SDK1: variants seen among roughly 807,000 people sequenced by gnomAD.
SDK1 encodes protein sidekick-1.
A neutral mutation model predicts 245.5 loss-of-function variants in SDK1; 157 were observed. The ratio of observed to expected loss-of-function variants is 0.64; its 90% confidence interval spans 0.56 to 0.73. The LOEUF (loss-of-function observed/expected upper bound fraction) is 0.73. Ranked by LOEUF, SDK1 falls within the 30% of genes least tolerant of loss-of-function variation. The pLI, the probability that SDK1 is intolerant of heterozygous loss-of-function variation, is 0.00. For synonymous variants in SDK1, 1,647 were observed against 1,278.5 expected (o/e 1.29, Z -6.15); for missense variants, 3,583 against 3,002.3 (o/e 1.19, Z -4.52).
chr7:3,578,415 A>G (rs184731546), intron 1 of SDK1, among the ~76,000 whole-genome samples: 13 of 152,204 alleles, frequency 8.5e-5, no homozygotes, highest in East Asian at 3.9e-4. Flanking sequence ...ATAAGGGTCT[A>G]TGTTCAGCTG....
chr7:3,562,022 A>C (rs1779765731), intron 1 of SDK1, among the ~76,000 whole-genome samples: 1 of 152,238 alleles, frequency 6.6e-6, no homozygotes, highest in Admixed American at 6.5e-5. Flanking sequence ...TAAATATTTT[A>C]GGCCTCCGTT....
intron 30 of SDK1, among the ~76,000 whole-genome samples, chr7:4,151,445 G>A (rs886109013): frequency 5.3e-5 from 8 of 152,206 alleles, no homozygotes; most frequent in South Asian, 4.1e-4. Flanking sequence ...GGTGAGGTCC[G>A]TATGCTGGCG....
intron 1 of SDK1, among the ~76,000 whole-genome samples, chr7:3,575,912 G>A (rs1780271346): frequency 6.6e-6 from 1 of 152,010 alleles, no homozygotes; most frequent in African/African-American, 2.4e-5. Flanking sequence ...AGAGAAATAG[G>A]AGATGAAGCC....
chr7:4,120,465 G>C (rs7798543), intron 25 of SDK1, among the ~76,000 whole-genome samples: 2 of 148,680 alleles, frequency 1.3e-5, no homozygotes, highest in East Asian at 1.9e-4. Flanking sequence ...TAATAATCTC[G>C]AAGGAGCTAA....
chr7:3,608,474 A>T (rs188851465), intron 1 of SDK1, among the ~76,000 whole-genome samples: 61 of 152,350 alleles, frequency 4.0e-4, no homozygotes, highest in African/African-American at 1.4e-3. Context: ...CAATGAAAAC[A>T]ACTGACAGTA....
At chr7:3,350,180 TGGGAGACACTCA>T (rs1562432699) in intron 1 of SDK1, among the ~76,000 whole-genome samples, 1 of 151,904 alleles carries the variant, frequency 6.6e-6, no homozygotes, top group Non-Finnish European at 1.5e-5. Context: ...AAGGAGAGAG[TGGGAGACACTCA>T]GTCTATCAGA....
intron 5 of SDK1, among the ~76,000 whole-genome samples, chr7:3,864,863 T>A (rs891449183): frequency 2.0e-5 from 3 of 152,144 alleles, no homozygotes; most frequent in African/African-American, 7.2e-5. Flanking sequence ...ATACCAGTAG[T>A]GACGATAGTG....
intron 16 of SDK1, among the ~76,000 whole-genome samples, chr7:4,015,271 C>T (rs776937811): frequency 5.8e-4 from 89 of 152,262 alleles, no homozygotes; most frequent in Non-Finnish European, 1.0e-3. Context: ...GATGCTGGTT[C>T]CTCAGCTCTT....
chr7:4,234,028 G>A (rs1020614180), intron 41 of SDK1, among the ~76,000 whole-genome samples: 13 of 152,202 alleles, frequency 8.5e-5, no homozygotes, highest in African/African-American at 1.4e-4. Context: ...GTTAGCTGAC[G>A]CATCCTTGCC....
intron 22 of SDK1, among the ~76,000 whole-genome samples, chr7:4,093,935 G>C (rs1781972544): frequency 6.6e-6 from 1 of 152,196 alleles, no homozygotes; most frequent in Non-Finnish European, 1.5e-5. Context: ...TCCCAGAGGT[G>C]AATCCTGGGG....
At chr7:3,506,568 A>T (rs1002601169) in intron 1 of SDK1, among the ~76,000 whole-genome samples, 1 of 152,200 alleles carries the variant, frequency 6.6e-6, no homozygotes, top group Non-Finnish European at 1.5e-5. Context: ...CTTTGATGAC[A>T]TGCATATTAT....
intron 1 of SDK1, among the ~76,000 whole-genome samples, chr7:3,430,520 T>G (rs1779811547): frequency 6.6e-6 from 1 of 152,198 alleles, no homozygotes; most frequent in Non-Finnish European, 1.5e-5. Context: ...AGCTTCCTCC[T>G]GCTCGTCAGC....
chr7:3,582,243 CCCTCAGGTAGGTCTG>C (rs1562579656), intron 1 of SDK1, among the ~76,000 whole-genome samples: 16 of 144,352 alleles, frequency 1.1e-4, no homozygotes, highest in African/African-American at 3.9e-4. Flanking sequence ...AGGTAGGTCT[CCCTCAGGTAGGTCTG>C]CCTCAGGTAG....
intron 14 of SDK1, among the ~76,000 whole-genome samples, chr7:3,993,125 C>G (rs529541007): frequency 1.3e-5 from 2 of 151,412 alleles, no homozygotes; most frequent in Non-Finnish European, 2.9e-5. Flanking sequence ...AAAATTTATT[C>G]TTTCACATGA....
chr7:4,089,870 G>A (rs923659774), intron 22 of SDK1, among the ~76,000 whole-genome samples: 5 of 152,178 alleles, frequency 3.3e-5, no homozygotes, highest in Admixed American at 6.5e-5. Context: ...AAAAGCCCTC[G>A]GTAACAAAAG....
intron 19 of SDK1, among the ~76,000 whole-genome samples, chr7:4,066,211 C>T (rs1019611399): frequency 4.6e-5 from 7 of 152,094 alleles, no homozygotes; most frequent in East Asian, 1.9e-4. Flanking sequence ...CTGGCTTTGT[C>T]GCTATGTTTC....
rs192766705 is a variant in SDK1, at chr7:4,161,441, C to A, written c.4730-345C>A. Among the ~76,000 whole-genome samples, 38 of 152,282 alleles carry A rather than the reference C, an allele frequency of 2.5e-4. No homozygotes were observed. The South Asian group carries it at 5.4e-3, about 22-fold the overall frequency. ...AAAAAAAAGAGAAAAAGATAAGTTC[C>A]CCTGCTCTCCCAGAAGACCTGAGCC... On this transcript the variant is annotated intron_variant, in intron 31 of 44. Transcript: ENST00000404826.
At chr7:3,323,675 G>A (rs956119267) in intron 1 of SDK1, among the ~76,000 whole-genome samples, 2 of 152,294 alleles carry the variant, frequency 1.3e-5, no homozygotes, top group Non-Finnish European at 2.9e-5. Context: ...TCTGACTTAC[G>A]TTTTTAGTTG....
Position 4,025,116 on chromosome 7 carries a change from A to T in SDK1, c.2602+7764A>T, listed in dbSNP as rs373533426. Among the ~76,000 whole-genome samples, 4 of 152,222 alleles carry T rather than the reference A, an allele frequency of 2.6e-5. No individual in the cohort carries two copies. In the East Asian group the frequency reaches 7.7e-4, roughly 29 times the overall value. On this transcript the variant is annotated intron_variant, in intron 17 of 44. Coordinates refer to ENST00000404826, the MANE Select transcript of SDK1 (RefSeq NM_152744.4). ...TGTGTACTTTGGTATTTTCTGTTCTATTCCATTCTGTTTCATTCTTTAAAA... is the reference window on the plus strand; with the variant it reads ...TGTGTACTTTGGTATTTTCTGTTCTTTTCCATTCTGTTTCATTCTTTAAAA...
Sources: gnomAD v4.1 joint callset for allele counts (sites outside exome capture counted in the v4.1 genomes callset) on GRCh38, gnomAD v4.1.1 for gene constraint, MANE v1.5 for transcripts, NCBI Gene and HGNC (gene_info 2026-07-23, HGNC 2026-07-21) for gene names.